Variants in NME8 observed in about 807,000 individuals in gnomAD.
NME8 encodes NME/NM23 family member 8.
Under a neutral mutation model 82.3 loss-of-function variants are expected in NME8, and 72 were observed. The ratio of observed to expected loss-of-function variants is 0.87; its 90% confidence interval spans 0.72 to 1.06. NME8 has a LOEUF of 1.06. NME8 is among the 50% of genes least tolerant of loss of function. The pLI, the probability that NME8 is intolerant of heterozygous loss-of-function variation, is 0.00. For synonymous variants in NME8, 267 were observed against 228.5 expected (o/e 1.17, Z -1.52); for missense variants, 712 against 685.4 (o/e 1.04, Z -0.43).
At chr7:37,873,345 G>A (rs1354135651) in intron 11 of NME8, among the ~76,000 whole-genome samples, 7 of 129,776 alleles carry the variant, frequency 5.4e-5, no homozygotes, top group Non-Finnish European at 1.1e-4. Context: ...GGGCGACTGA[G>A]TGAGACTCTG....
chr7:37,882,681 CA>C (rs1784982259), intron 12 of NME8, among the ~76,000 whole-genome samples: 1 of 151,756 alleles, frequency 6.6e-6, no homozygotes, highest in African/African-American at 2.4e-5. Flanking sequence ...GAAAGGTCAA[CA>C]AGGTGTTCGG....
intron 11 of NME8, among the ~76,000 whole-genome samples, chr7:37,870,990 T>C (rs1432263926): frequency 6.6e-6 from 1 of 152,174 alleles, no homozygotes; most frequent in African/African-American, 2.4e-5. Flanking sequence ...AAAACTCTCA[T>C]GCGTAATTTA....
At chr7:37,853,865 T>TTA (rs1045298402) in intron 5 of NME8, among the ~76,000 whole-genome samples, 30 of 151,558 alleles carry the variant, frequency 2.0e-4, no homozygotes, top group Admixed American at 5.3e-4. Flanking sequence ...ATTAAATATT[T>TTA]TATATATATA....
In NME8 at chr7:37,857,760, A is replaced by G. The variant is rs1784534152; in HGVS notation, c.270+415A>G. 2.0e-5 allele frequency among the ~76,000 whole-genome samples: 3 copies of G among 152,340 alleles called. No homozygotes were observed. In the South Asian group the frequency reaches 6.2e-4, roughly 32 times the overall value. On this transcript the variant is annotated intron_variant, in intron 6 of 17. Transcript: ENST00000199447. Reference sequence around the variant, plus strand: ...TGTAATACACATTACTCTTATCTCTATATTTATAAAGAAGAAAGCAAGTGG... The same window carrying G: ...TGTAATACACATTACTCTTATCTCTGTATTTATAAAGAAGAAAGCAAGTGG...
chr7:37,881,775 A>G (rs1164099909), intron 12 of NME8, among the ~76,000 whole-genome samples: 1 of 152,210 alleles, frequency 6.6e-6, no homozygotes, highest in African/African-American at 2.4e-5. Flanking sequence ...TAGCAAAATA[A>G]TCTAGTCCTG....
chr7:37,897,035 C>T lies in NME8; in HGVS notation c.1710C>T (p.Asn570=), dbSNP rs190521566. The change falls in exon 17 of 18, where the codon AAC becomes AAT. Residue 570 remains asparagine (N), a synonymous_variant. Transcript: ENST00000199447. The part of the protein sequence containing the change: ...KLKNIVHGAS[N]AYEAKEVVNR... ...AAAACATTGTCCATGGAGCATCTAA[C>T]GCCTATGAAGCAAAAGAGGTTGTTA... is the stretch of plus-strand genomic sequence containing the variant. 44 of 1,613,894 alleles carry T rather than the reference C, an allele frequency of 2.7e-5. No individual in the cohort carries two copies. Among genetic ancestry groups the T allele is most frequent in the Admixed American group, 5.0e-5 (3 of 59,966 alleles).
At chr7:37,894,306 A>G (rs1385861358) in intron 15 of NME8, among the ~76,000 whole-genome samples, 160 bp from the exon 16 acceptor site, 2 of 152,202 alleles carry the variant, frequency 1.3e-5, no homozygotes, top group Non-Finnish European at 1.5e-5. Context: ...CTGAATGTCA[A>G]TTTGGTGCTT....
rs756754229 is a variant in NME8 at position 37,885,164 on chromosome 7, G to A, written c.1159G>A (p.Val387Ile). 1 of 1,612,286 alleles carries A rather than the reference G, an allele frequency of 6.2e-7. No individual in the cohort carries two copies. The highest frequency in any genetic ancestry group is 1.7e-5 in the Admixed American group (1 of 59,958). ...TAATAGTGGTCCATCTCTAGCCCTT[G>A]TTTTATTGAGAGACAATGGCTTGCA... ...NMTSGPSLAL[V>I]LLRDNGLQYW... The change falls in exon 14 of 18, where the codon GTT becomes ATT. Residue 387 changes from valine to isoleucine, a missense_variant. By Grantham distance (29) the Val-to-Ile change is conservative (BLOSUM62 3). Coordinates refer to ENST00000199447, the MANE Select transcript of NME8 (RefSeq NM_016616.5).
chr7:37,886,027 A>G lies in NME8; in HGVS notation c.1247+775A>G, dbSNP rs1785034793. 3.3e-5 allele frequency among the ~76,000 whole-genome samples: 5 copies of G among 152,350 alleles called. No homozygotes were observed. In the South Asian group the frequency reaches 1.0e-3, roughly 32 times the overall value. On this transcript the variant is annotated intron_variant, in intron 14 of 17. Transcript: ENST00000199447. Reference sequence around the variant, plus strand: ...GTTGACACAATAAATAACAATAGTTATGAAGCCTCACTTACATGAAAGCTG... The same window carrying G: ...GTTGACACAATAAATAACAATAGTTGTGAAGCCTCACTTACATGAAAGCTG...
chr7:37,874,517 A>T (rs767756525), intron 11 of NME8, among the ~76,000 whole-genome samples: 31 of 152,222 alleles, frequency 2.0e-4, no homozygotes, highest in Non-Finnish European at 3.8e-4. Context: ...GACAGTAAAC[A>T]TTAATGCAGT....
chr7:37,863,672 G>T (rs1236228963), intron 8 of NME8, among the ~76,000 whole-genome samples: 1 of 152,190 alleles, frequency 6.6e-6, no homozygotes, highest in Non-Finnish European at 1.5e-5. Context: ...TGGGCCTGGA[G>T]CCTTTCAGAG....
chr7:37,869,473 A>G (rs1273485198), intron 11 of NME8, among the ~76,000 whole-genome samples: 1 of 152,164 alleles, frequency 6.6e-6, no homozygotes, highest in African/African-American at 2.4e-5. Flanking sequence ...TCATCATTCC[A>G]TGGGGCTATT....
chr7:37,896,825 C>T, intron 16 of NME8, 45 bp from the exon 17 acceptor site: 1 of 1,528,914 alleles, frequency 6.5e-7, no homozygotes, highest in Non-Finnish European at 9.1e-7. Context: ...GCAGTGTCAA[C>T]AGTTTTCAGT....
intron 11 of NME8, among the ~76,000 whole-genome samples, chr7:37,876,366 A>G (rs1021341232): frequency 3.3e-5 from 5 of 151,930 alleles, no homozygotes; most frequent in African/African-American, 1.2e-4. Context: ...TTTAATCAAA[A>G]TTTTACCACA....
At chr7:37,862,209 T>G in intron 7 of NME8, 65 bp downstream of exon 7, 2 of 1,061,228 alleles carry the variant, frequency 1.9e-6, no homozygotes, top group Non-Finnish European at 2.9e-6. Context: ...TAGAACAAAA[T>G]GCACTACTGG....
intron 9 of NME8, among the ~76,000 whole-genome samples, chr7:37,865,148 G>T (rs1368467806): frequency 2.0e-5 from 3 of 152,106 alleles, no homozygotes; most frequent in Non-Finnish European, 4.4e-5. Flanking sequence ...TAACTCAAAA[G>T]TTCACAGTTC....
At chr7:37,877,954 C>A (rs1299122805) in intron 12 of NME8, among the ~76,000 whole-genome samples, 2 of 152,184 alleles carry the variant, frequency 1.3e-5, no homozygotes, top group Non-Finnish European at 2.9e-5. Context: ...TCATTTCCAT[C>A]TGTATGCCTT....
intron 14 of NME8, among the ~76,000 whole-genome samples, chr7:37,885,736 T>C (rs972647169): frequency 6.6e-6 from 1 of 152,218 alleles, no homozygotes; most frequent in African/African-American, 2.4e-5. Context: ...CCTGGCATAT[T>C]ACCTGGCACA....
chr7:37,867,293 CTT>C (rs533412624), intron 10 of NME8, among the ~76,000 whole-genome samples: 3 of 143,410 alleles, frequency 2.1e-5, no homozygotes. Context: ...AGGTATGTAG[CTT>C]TTTTTTTTTT....
Sources: gnomAD v4.1 joint callset for allele counts (sites outside exome capture counted in the v4.1 genomes callset) on GRCh38, gnomAD v4.1.1 for gene constraint, MANE v1.5 for transcripts, NCBI Gene and HGNC (gene_info 2026-07-23, HGNC 2026-07-21) for gene names.